The following FIP1L1 variants were observed in gnomAD, a reference collection of about 807,000 sequenced individuals.
The protein encoded by FIP1L1 is factor interacting with PAPOLA and CPSF1, also known as pre-mRNA 3'-end-processing factor FIP1.
A neutral mutation model predicts 84.6 loss-of-function variants in FIP1L1; 21 were observed. The observed-to-expected ratio is 0.25, with a 90% confidence interval of 0.18 to 0.36. FIP1L1 has a LOEUF of 0.36. FIP1L1 is among the 10% of genes least tolerant of loss of function. The probability of loss-of-function intolerance (pLI) is 1.00; values close to 1 mark genes in which losing one functional copy is unlikely to be tolerated. For missense variants in FIP1L1, 526 were observed against 751.1 expected (o/e 0.70, Z 3.50); for synonymous variants, 263 against 242.3 (o/e 1.09, Z -0.80).
At chr4:53,399,901 G>A in intron 10 of FIP1L1, 62 bp downstream of exon 10, 1 of 1,112,546 alleles carries the variant, frequency 9.0e-7, no homozygotes, top group Non-Finnish European at 1.3e-6. Context: ...TTGTATTTGT[G>A]CTATATTAAG....
intron 7 of FIP1L1, 60 bp downstream of exon 7, chr4:53,390,688 T>A: frequency 9.1e-7 from 1 of 1,103,260 alleles, no homozygotes; most frequent in East Asian, 2.5e-5. Flanking sequence ...ATCAGAAAAT[T>A]TTTTTGAACA....
In FIP1L1 at chr4:53,417,702, AGCTACTTTTTCTCTTT is replaced by A. The variant is rs199957788; in HGVS notation, c.923+2997_923+3012del. On this transcript the variant is annotated intron_variant, in intron 11 of 17. Coordinates refer to ENST00000337488, the MANE Select transcript of FIP1L1 (RefSeq NM_030917.4). Reference sequence around the variant, plus strand: ...TTCCACAACAGATACCCTGGATAAAAGCTACTTTTTCTCTTTGCTACTTTTTCTCTTTTTAAACACA... The same window carrying A: ...TTCCACAACAGATACCCTGGATAAAAGCTACTTTTTCTCTTTTTAAACACA... Among the ~76,000 whole-genome samples, 1,235 of 147,746 alleles carry A rather than the reference AGCTACTTTTTCTCTTT, an allele frequency of 8.4e-3. 14 individuals carry two copies. Among genetic ancestry groups the A allele is most frequent in the Middle Eastern group, 0.025 (7 of 280 alleles).
intron 12 of FIP1L1, among the ~76,000 whole-genome samples, chr4:53,426,261 T>G (rs1383069305): frequency 6.6e-6 from 1 of 152,140 alleles, no homozygotes; most frequent in East Asian, 1.9e-4. Flanking sequence ...AATGTTTGGA[T>G]TTTGAAATGT....
chr4:53,456,492 T>A (rs1298461032), intron 16 of FIP1L1, among the ~76,000 whole-genome samples: 1 of 152,008 alleles, frequency 6.6e-6, no homozygotes, highest in Non-Finnish European at 1.5e-5. Context: ...CAGGAAAAAA[T>A]TACACTCTGG....
intron 5 of FIP1L1, among the ~76,000 whole-genome samples, chr4:53,386,820 T>C (rs187693721): frequency 3.3e-5 from 5 of 152,318 alleles, no homozygotes; most frequent in East Asian, 1.9e-4. Flanking sequence ...GTTGCTGTTG[T>C]TGTTCTGTTT....
At chr4:53,445,893 G>C (rs1034774948) in intron 15 of FIP1L1, among the ~76,000 whole-genome samples, 25 of 152,072 alleles carry the variant, frequency 1.6e-4, no homozygotes, top group African/African-American at 5.1e-4. Context: ...GATGTTTTGG[G>C]GTGACATATT....
At position 53,437,744 on chromosome 4, in the gene FIP1L1, G is replaced by A. The variant is rs536218682; in HGVS notation, c.1175-4909G>A. Among the ~76,000 whole-genome samples the A allele has an allele frequency of 8.6e-5, 13 of 151,140 alleles. No homozygotes were observed. The South Asian group carries it at 2.5e-3, about 29-fold the overall frequency. ...ATTTATTATTTTATTTTATTTTTTT[G>A]AGATGGAGTCTCGCTCTGTTGCCCA... On this transcript the variant is annotated intron_variant, in intron 13 of 17. Coordinates refer to ENST00000337488, the MANE Select transcript of FIP1L1 (RefSeq NM_030917.4).
intron 15 of FIP1L1, among the ~76,000 whole-genome samples, chr4:53,445,351 G>T (rs544465105): frequency 1.3e-5 from 2 of 152,110 alleles, no homozygotes; most frequent in African/African-American, 2.4e-5. Context: ...TGGAACATGT[G>T]GGGGAGTAAA....
intron 9 of FIP1L1, among the ~76,000 whole-genome samples, chr4:53,396,453 T>TA (rs1747388402): frequency 1.3e-5 from 2 of 152,092 alleles, no homozygotes; most frequent in African/African-American, 2.4e-5. Context: ...CCAGGCTAGA[T>TA]AGAGTTCAGT....
intron 13 of FIP1L1, 137 bp downstream of exon 13, chr4:53,428,320 C>T (rs1186265707): frequency 1.3e-6 from 1 of 752,208 alleles, no homozygotes; most frequent in African/African-American, 1.8e-5. Flanking sequence ...CAGATTCACA[C>T]TGAAACAGAT....
In FIP1L1 at chr4:53,440,907, A is replaced by G. The variant is rs553592129; in HGVS notation, c.1175-1746A>G. The G allele has an allele frequency of 3.5e-5, 9 of 255,120 alleles. No homozygotes were observed. In the South Asian group the frequency reaches 4.8e-4, roughly 14 times the overall value. 15.8% of individuals were successfully genotyped at this position (255,120 alleles called of 1,614,324 possible). ...AAAGTTTTCTTAAAAATGTCTTTAC[A>G]GACCAATGAATTTTTTATGTAATAT... On this transcript the variant is annotated intron_variant, in intron 13 of 17. Coordinates refer to ENST00000337488, the MANE Select transcript of FIP1L1 (RefSeq NM_030917.4).
chr4:53,444,346 T>C (rs1362280091), intron 15 of FIP1L1, among the ~76,000 whole-genome samples: 2 of 152,226 alleles, frequency 1.3e-5, no homozygotes, highest in Admixed American at 6.5e-5. Flanking sequence ...CTTTGCCTTT[T>C]CTAAAAGGAT....
chr4:53,407,193 G>C (rs1226648016), intron 10 of FIP1L1, among the ~76,000 whole-genome samples: 16 of 152,072 alleles, frequency 1.1e-4, no homozygotes, highest in Admixed American at 1.0e-3. Context: ...GTGTCCCAGA[G>C]ATTCTGGTAT....
At chr4:53,437,649 G>A (rs531014612) in intron 13 of FIP1L1, among the ~76,000 whole-genome samples, 1 of 151,946 alleles carries the variant, frequency 6.6e-6, no homozygotes, top group Admixed American at 6.6e-5. Flanking sequence ...CCAGCAATCT[G>A]TGTGTTTTAA....
intron 10 of FIP1L1, among the ~76,000 whole-genome samples, chr4:53,411,044 CGCT>C (rs1560527239): frequency 6.6e-6 from 1 of 151,970 alleles, no homozygotes. Context: ...ACAGTCTTGT[CGCT>C]GCTTTTTGGG....
At chr4:53,419,428 A>G (rs562118361) in intron 11 of FIP1L1, among the ~76,000 whole-genome samples, 1 of 152,118 alleles carries the variant, frequency 6.6e-6, no homozygotes, top group Non-Finnish European at 1.5e-5. Flanking sequence ...AAATGAAACT[A>G]ATTGGATATG....
chr4:53,458,273 T>C (rs1720527100), intron 16 of FIP1L1, among the ~76,000 whole-genome samples: 1 of 152,076 alleles, frequency 6.6e-6, no homozygotes, highest in African/African-American at 2.4e-5. Flanking sequence ...GATATACAAA[T>C]ACTATTTTAA....
At chr4:53,434,472 T>A (rs751040216) in intron 13 of FIP1L1, among the ~76,000 whole-genome samples, 13 of 92,602 alleles carry the variant, frequency 1.4e-4, no homozygotes, top group Non-Finnish European at 4.7e-5. Flanking sequence ...TCTTAGTAAA[T>A]TTTTTTTTTT....
At chr4:53,406,622 G>T (rs1020995823) in intron 10 of FIP1L1, among the ~76,000 whole-genome samples, 2 of 152,252 alleles carry the variant, frequency 1.3e-5, no homozygotes, top group East Asian at 3.9e-4. Flanking sequence ...GAATTCGGCT[G>T]TGAATCCATC....
Sources: allele counts gnomAD v4.1 joint callset (sites outside exome capture counted in the v4.1 genomes callset), GRCh38; gene constraint gnomAD v4.1.1; transcripts MANE v1.5; gene names NCBI Gene and HGNC (gene_info 2026-07-23, HGNC 2026-07-21).